Variants in KIF1B observed in about 807,000 individuals in gnomAD.
KIF1B encodes kinesin family member 1B.
In KIF1B, 76 loss-of-function variants were observed where a neutral mutation model predicts 241.9. The observed-to-expected ratio is 0.31, with a 90% CI of 0.26 to 0.38. The LOEUF is 0.38. Ranked by LOEUF, KIF1B falls within the 10% of genes least tolerant of loss-of-function variation. KIF1B has a pLI of 1.00. For missense variants in KIF1B, 1,622 were observed against 2,271.4 expected (o/e 0.71, Z 5.81); for synonymous variants, 750 against 796.7 (o/e 0.94, Z 0.99).
At chr1:10,341,005 A>G (rs74958931) in intron 32 of KIF1B, among the ~76,000 whole-genome samples, 4,405 of 152,300 alleles carry the variant, frequency 0.029, 67 homozygotes, top group African/African-American at 0.039. Flanking sequence ...CTTCTTTTTC[A>G]TGTTGGTATA....
At chr1:10,335,157 G>A (rs1652118202) in intron 28 of KIF1B, among the ~76,000 whole-genome samples, 1 of 152,154 alleles carries the variant, frequency 6.6e-6, no homozygotes. Flanking sequence ...GCCCAGCATA[G>A]TCTCGATCGA....
In KIF1B at chr1:10,253,075, C is replaced by T. The variant is rs1647558505; in HGVS notation, c.107-3172C>T. On this transcript the variant is annotated intron_variant, in intron 2 of 48. Transcript: ENST00000676179. ...TACAGTGTGATTTTAGTGGGGTGGC[C>T]ACATACATGTAGGTGTGCACATGTA... 2.6e-5 allele frequency among the ~76,000 whole-genome samples: 4 copies of T among 152,160 alleles called. No homozygotes were observed. In the South Asian group the frequency reaches 8.3e-4, roughly 32 times the overall value.
intron 3 of KIF1B, 138 bp downstream of exon 3, chr1:10,256,461 AG>A: frequency 5.7e-6 from 4 of 706,044 alleles, no homozygotes; most frequent in Non-Finnish European, 5.1e-6. Flanking sequence ...TCTTTGATAC[AG>A]TGATATAGTA....
In KIF1B at chr1:10,296,660, G is replaced by T. The variant is rs202061430; in HGVS notation, c.1856G>T (p.Arg619Leu). The T allele has an allele frequency of 1.9e-6, 3 of 1,613,682 alleles. No homozygotes were observed. The highest frequency in any genetic ancestry group is 2.5e-6 in the Non-Finnish European group (3 of 1,179,678). The change falls in exon 20 of 49, where the codon CGC (arginine) becomes CTC (leucine). Residue 619 changes from arginine to leucine, a missense_variant. Arg to Leu is a moderately radical substitution (Grantham distance 102). Coordinates refer to ENST00000676179, the MANE Select transcript of KIF1B (RefSeq NM_001365951.3). ...GKRVSQPVQL[R>L]SGNRIIMGKN... is the part of the protein sequence containing the mutation. ...AGGGTGTCCCAGCCTGTTCAGCTGCGCTCAGGTGAGACTGGGAGAGGTTTG... is the reference window on the plus strand; with the variant it reads ...AGGGTGTCCCAGCCTGTTCAGCTGCTCTCAGGTGAGACTGGGAGAGGTTTG...
chr1:10,261,761 A>G (rs139671699), intron 4 of KIF1B, 144 bp from the exon 5 acceptor site: 2 of 692,196 alleles, frequency 2.9e-6, no homozygotes, highest in East Asian at 5.4e-5. Context: ...TATTCAAAGC[A>G]TTAATCGTAT....
intron 15 of KIF1B, among the ~76,000 whole-genome samples, chr1:10,289,300 C>T (rs1223387911): frequency 2.0e-5 from 3 of 152,170 alleles, no homozygotes; most frequent in South Asian, 2.1e-4. Context: ...GTACACTGTT[C>T]TCTTATCTCC....
chr1:10,240,130 C>T (rs999777525), intron 2 of KIF1B, among the ~76,000 whole-genome samples: 87 of 152,140 alleles, frequency 5.7e-4, no homozygotes, highest in Non-Finnish European at 1.2e-3. Flanking sequence ...TCTTGAACTC[C>T]TGACCTCGTG....
chr1:10,261,834 T>G, intron 4 of KIF1B, 71 bp from the exon 5 acceptor site: 1 of 916,062 alleles, frequency 1.1e-6, no homozygotes, highest in Non-Finnish European at 1.8e-6. Flanking sequence ...GCTAATTCAT[T>G]GAGCACGCGT....
At chr1:10,304,048 A>G in intron 22 of KIF1B, 2 of 1,611,442 alleles carry the variant, frequency 1.2e-6, no homozygotes, top group East Asian at 2.2e-5. Flanking sequence ...CCCTCCTGAG[A>G]ACCGGAAGCC....
intron 2 of KIF1B, among the ~76,000 whole-genome samples, chr1:10,245,388 T>TA (rs1030691260): frequency 1.3e-5 from 2 of 152,230 alleles, no homozygotes; most frequent in Admixed American, 6.5e-5. Context: ...CATTTTGTGA[T>TA]AGTCATTTTG....
At chr1:10,370,590 TAATA>T (rs1164652017) in intron 44 of KIF1B, among the ~76,000 whole-genome samples, 15 of 139,916 alleles carry the variant, frequency 1.1e-4, no homozygotes, top group African/African-American at 4.1e-4. Context: ...ATAATAATAA[TAATA>T]AGAAGAAGAA....
intron 1 of KIF1B, among the ~76,000 whole-genome samples, chr1:10,231,741 GTT>G (rs1646986519): frequency 6.6e-6 from 1 of 152,032 alleles, no homozygotes; most frequent in Non-Finnish European, 1.5e-5. Flanking sequence ...AAAGTTATCT[GTT>G]TAAGGAACTT....
rs962732627 is a variant in KIF1B, at chr1:10,318,220, A to G, written c.2116-1823A>G. Among the ~76,000 whole-genome samples the G allele has an allele frequency of 7.9e-5, 12 of 151,502 alleles. No individual in the cohort carries two copies. In the South Asian group the frequency reaches 1.4e-3, roughly 18 times the overall value. ...CCTTTGTGAGAATAACTGACAAACG[A>G]CCAGAACCATAGAGGATATTTGCAT... On this transcript the variant is annotated intron_variant, in intron 22 of 48. Transcript: ENST00000676179.
chr1:10,302,856 G>T (rs1650609938), intron 22 of KIF1B, among the ~76,000 whole-genome samples: 1 of 152,158 alleles, frequency 6.6e-6, no homozygotes, highest in Admixed American at 6.5e-5. Context: ...ACTCATCCCT[G>T]TTGTCAATTC....
At chr1:10,265,529 C>G (rs1461933856) in intron 5 of KIF1B, among the ~76,000 whole-genome samples, 1 of 152,240 alleles carries the variant, frequency 6.6e-6, no homozygotes, top group South Asian at 2.1e-4. Context: ...AGCCACCATG[C>G]CCAGCCTTTA....
At chr1:10,314,544 C>T (rs1028632005) in intron 22 of KIF1B, among the ~76,000 whole-genome samples, 5 of 151,332 alleles carry the variant, frequency 3.3e-5, no homozygotes, top group African/African-American at 9.8e-5. Flanking sequence ...CTTAGCGTCC[C>T]GAGTAACTGG....
chr1:10,295,548 G>A lies in KIF1B; in HGVS notation c.1671-112G>A. 2.1e-6 allele frequency: 2 copies of A among 938,820 alleles called. 1 individual carries two copies. The highest frequency in any genetic ancestry group is 4.9e-5 in the East Asian group (2 of 41,178). The allele number at this position is 938,820 out of a possible 1,614,324, so 58.2% of individuals were successfully genotyped here. A position where few individuals can be genotyped will look rare whatever the true frequency, so the allele number is the denominator to read the frequency against. On this transcript the variant is annotated intron_variant, in intron 18 of 48. Coordinates refer to ENST00000676179, the MANE Select transcript of KIF1B (RefSeq NM_001365951.3). ...AGTTGAAAGCTTCTGATGCAACAAG[G>A]CAATACCTTTTTTGTACGTACCAAA... is the stretch of plus-strand genomic sequence containing the variant.
At chr1:10,220,715 C>A (rs923280710) in intron 1 of KIF1B, among the ~76,000 whole-genome samples, 1 of 152,026 alleles carries the variant, frequency 6.6e-6, no homozygotes, top group Admixed American at 6.6e-5. Context: ...CAGGCTGTAG[C>A]GCAATGGTAT....
intron 1 of KIF1B, chr1:10,230,628 G>C (rs994320983): frequency 3.9e-5 from 6 of 151,944 alleles, no homozygotes; most frequent in African/African-American, 1.5e-4. Context: ...TAGAGACGGG[G>C]TTTCACCGTG....
Sources: gnomAD v4.1 joint callset for allele counts (sites outside exome capture counted in the v4.1 genomes callset) on GRCh38, gnomAD v4.1.1 for gene constraint, MANE v1.5 for transcripts, NCBI Gene and HGNC (gene_info 2026-07-23, HGNC 2026-07-21) for gene names.